SLC1A2: variants seen among roughly 807,000 people sequenced by gnomAD.
SLC1A2 encodes excitatory amino acid transporter 2.
In SLC1A2, 15 loss-of-function variants were observed where a neutral mutation model predicts 48.8. The observed-to-expected ratio is 0.31, with a 90% CI of 0.21 to 0.47. SLC1A2 has a LOEUF of 0.47. Ranked by LOEUF, SLC1A2 falls within the 20% of genes least tolerant of loss-of-function variation. The pLI is 0.99. For synonymous variants in SLC1A2, 279 were observed against 272.6 expected, an observed-to-expected ratio of 1.02 and a Z score of -0.23; for missense variants, 502 against 730.5, an observed-to-expected ratio of 0.69 and a Z score of 3.61.
chr11:35,365,823 G>A (rs557242251), intron 1 of SLC1A2, among the ~76,000 whole-genome samples: 9 of 152,292 alleles, frequency 5.9e-5, no homozygotes, highest in African/African-American at 2.2e-4. Flanking sequence ...AATTAGCAAT[G>A]CATATATGGT....
chr11:35,323,233 T>C (rs1423254790), intron 1 of SLC1A2: 2 of 172,688 alleles, frequency 1.2e-5, no homozygotes, highest in Non-Finnish European at 2.5e-5. Flanking sequence ...AGTGTATAGC[T>C]ATCCTGAATC....
chr11:35,273,500 T>C (rs1458804132), intron 9 of SLC1A2, among the ~76,000 whole-genome samples: 1 of 152,126 alleles, frequency 6.6e-6, no homozygotes, highest in Non-Finnish European at 1.5e-5. Flanking sequence ...TATTGAGTGC[T>C]TGTCAACCAA....
At chr11:35,289,178 T>C (rs1370190509) in intron 7 of SLC1A2, among the ~76,000 whole-genome samples, 1 of 152,212 alleles carries the variant, frequency 6.6e-6, no homozygotes, top group African/African-American at 2.4e-5. Context: ...ACTCCCTCTG[T>C]CCTCCCTGAC....
chr11:35,303,761 G>A (rs1049298775), intron 5 of SLC1A2, among the ~76,000 whole-genome samples: 6 of 151,962 alleles, frequency 3.9e-5, no homozygotes, highest in African/African-American at 1.4e-4. Context: ...TTGGGAGAGG[G>A]TGGAGACCAG....
intron 4 of SLC1A2, among the ~76,000 whole-genome samples, chr11:35,311,394 A>G (rs1851683897): frequency 6.6e-6 from 1 of 152,172 alleles, no homozygotes; most frequent in South Asian, 2.1e-4. Flanking sequence ...TCCTAACCTC[A>G]AATGATCCCC....
At chr11:35,293,233 G>T (rs1183875913) in intron 6 of SLC1A2, among the ~76,000 whole-genome samples, 3 of 152,088 alleles carry the variant, frequency 2.0e-5, no homozygotes, top group Non-Finnish European at 4.4e-5. Context: ...AAGAAACTGA[G>T]GTTAAGAAAA....
At position 35,292,414 on chromosome 11, in the gene SLC1A2, T is replaced by C. The variant is rs763544753; in HGVS notation, c.964A>G (p.Ile322Val). ...ATGCCCCCGTGGATGATGAGGCCTA[T>C]GATCACTGTTACCATGTACATCCCC... ...QLGMYMVTVI[I>V]GLIIHGGIFL... Residue 322 changes from isoleucine (I) to valine (V), a missense_variant, in exon 7 of 11, where the codon ATA becomes GTA. By Grantham distance (29) the Ile-to-Val change is conservative. Coordinates refer to ENST00000278379, the MANE Select transcript of SLC1A2 (RefSeq NM_004171.4). 1.9e-6 allele frequency: 3 copies of C among 1,613,848 alleles called. No homozygotes were observed. The highest frequency in any genetic ancestry group is 2.2e-5 in the South Asian group (2 of 91,080).
chr11:35,282,269 G>A (rs544952659), intron 8 of SLC1A2, among the ~76,000 whole-genome samples: 1 of 152,264 alleles, frequency 6.6e-6, no homozygotes, highest in African/African-American at 2.4e-5. Context: ...CTGGGTCACA[G>A]GAGGTACAGT....
rs140534566 is a variant in SLC1A2, at chr11:35,317,507, A to G, written c.27T>C (p.Asn9=). 3 of 1,613,466 alleles carry G rather than the reference A, an allele frequency of 1.9e-6. No individual in the cohort carries two copies. Among genetic ancestry groups the G allele is most frequent in the Admixed American group, 3.3e-5 (2 of 60,008 alleles). Residue 9 remains asparagine (N), a synonymous_variant, in exon 2 of 11, where the codon AAT becomes AAC. Coordinates refer to ENST00000278379, the MANE Select transcript of SLC1A2 (RefSeq NM_004171.4). Reference sequence around the variant, plus strand: ...TTCGCACTTCCACCTGCTTGGGCATATTGTTGGCACTGGAACAGAAGTGAA... The same window carrying G: ...TTCGCACTTCCACCTGCTTGGGCATGTTGTTGGCACTGGAACAGAAGTGAA... The part of the protein sequence containing the change: MASTEGAN[N]MPKQVEVRMH...
chr11:35,311,412 G>C (rs1388551570), intron 4 of SLC1A2, among the ~76,000 whole-genome samples: 1 of 152,074 alleles, frequency 6.6e-6, no homozygotes, highest in Non-Finnish European at 1.5e-5. Context: ...CCCCTGCCTC[G>C]GCCTCTCGAA....
intron 1 of SLC1A2, among the ~76,000 whole-genome samples, chr11:35,396,578 C>T (rs1339061170): frequency 1.3e-5 from 2 of 151,524 alleles, no homozygotes; most frequent in African/African-American, 4.9e-5. Context: ...TGGATATTAG[C>T]CCTTTGTCAG....
At chr11:35,357,626 C>T (rs1031046252) in intron 1 of SLC1A2, among the ~76,000 whole-genome samples, 1 of 152,080 alleles carries the variant, frequency 6.6e-6, no homozygotes, top group African/African-American at 2.4e-5. Context: ...AAACAAATGA[C>T]ACCACAGCAA....
At chr11:35,399,226 T>C (rs1212270667) in intron 1 of SLC1A2, among the ~76,000 whole-genome samples, 1 of 152,136 alleles carries the variant, frequency 6.6e-6, no homozygotes, top group Admixed American at 6.5e-5. Flanking sequence ...CCTCCCAATT[T>C]AGTCCCTCTT....
rs1032873341 is a variant in SLC1A2, at chr11:35,375,853, G to C, written c.17+43097C>G. Among the ~76,000 whole-genome samples the C allele has an allele frequency of 3.9e-5, 6 of 152,152 alleles. 1 individual carries two copies. The East Asian group carries it at 1.2e-3, about 29-fold the overall frequency. On this transcript the variant is annotated intron_variant, in intron 1 of 10. Transcript: ENST00000278379. The stretch of plus-strand genomic sequence containing the variant: ...TTCATACTTCTACTTGATCTTCACC[G>C]TGACCCTAAGAATTGATTCTATTAT...
At chr11:35,285,005 T>C (rs1212291500) in intron 8 of SLC1A2, among the ~76,000 whole-genome samples, 1 of 152,172 alleles carries the variant, frequency 6.6e-6, no homozygotes, top group Non-Finnish European at 1.5e-5. Context: ...AGACACCAGA[T>C]TATTACCAAA....
At chr11:35,363,208 A>G (rs1478875148) in intron 1 of SLC1A2, among the ~76,000 whole-genome samples, 1 of 152,192 alleles carries the variant, frequency 6.6e-6, no homozygotes, top group Non-Finnish European at 1.5e-5. Context: ...TGGAGAAGCC[A>G]GGAGTGGCTG....
At chr11:35,373,755 C>T (rs868781524) in intron 1 of SLC1A2, among the ~76,000 whole-genome samples, 1 of 152,154 alleles carries the variant, frequency 6.6e-6, no homozygotes, top group Admixed American at 6.5e-5. Flanking sequence ...TGATACAGAG[C>T]ACTGGGTCAA....
intron 1 of SLC1A2, among the ~76,000 whole-genome samples, chr11:35,379,644 C>T (rs1301892584): frequency 3.3e-5 from 5 of 152,160 alleles, no homozygotes; most frequent in Admixed American, 2.6e-4. Flanking sequence ...AGCATATGTC[C>T]GGGGCACGCA....
intron 9 of SLC1A2, among the ~76,000 whole-genome samples, chr11:35,268,435 G>T (rs769354080): frequency 6.6e-6 from 1 of 152,110 alleles, no homozygotes; most frequent in Non-Finnish European, 1.5e-5. Context: ...GCAGCACTTT[G>T]GGAGGCTGAG....
Sources: allele counts gnomAD v4.1 joint callset (sites outside exome capture counted in the v4.1 genomes callset), GRCh38; gene constraint gnomAD v4.1.1; transcripts MANE v1.5; gene names NCBI Gene and HGNC (gene_info 2026-07-23, HGNC 2026-07-21).